ZNF540: variants seen among roughly 807,000 people sequenced by gnomAD.
ZNF540 encodes zinc finger protein 540.
A neutral mutation model predicts 11.8 loss-of-function variants in ZNF540; 3 were observed. The ratio of observed to expected loss-of-function variants is 0.25; its 90% CI spans 0.12 to 0.65. The LOEUF is 0.65. Ranked by LOEUF, ZNF540 falls within the 30% of genes least tolerant of loss-of-function variation. The pLI, the probability that ZNF540 is intolerant of heterozygous loss-of-function variation, is 0.83. For missense variants in ZNF540, 709 were observed against 793.1 expected, an observed-to-expected ratio of 0.89 and a Z score of 1.27; for synonymous variants, 247 against 259.0, an observed-to-expected ratio of 0.95 and a Z score of 0.45.
At position 37,604,529 on chromosome 19, in the gene ZNF540, G is replaced by A. The variant is rs993125081; in HGVS notation, c.232+3424G>A. ...TCACCGTGTTAGCCAGGATGGTCTC[G>A]ATCTCCTGACCTTGTGATCCGCCCG... On this transcript the variant is annotated intron_variant, in intron 4 of 4. Coordinates refer to ENST00000316433, the MANE Select transcript of ZNF540 (RefSeq NM_001172225.3). Among the ~76,000 whole-genome samples, 4 of 151,542 alleles carry A rather than the reference G, an allele frequency of 2.6e-5. 1 individual carries two copies. In the South Asian group the frequency reaches 6.3e-4, roughly 24 times the overall value.
At chr19:37,608,824 T>A (rs1447537706) in intron 4 of ZNF540, among the ~76,000 whole-genome samples, 2 of 152,134 alleles carry the variant, frequency 1.3e-5, no homozygotes, top group Non-Finnish European at 2.9e-5. Context: ...TAGGCTCTAA[T>A]AAAACCCCAG....
intron 1 of ZNF540, chr19:37,583,693 C>T (rs17245425): frequency 0.074 from 19,883 of 267,976 alleles, 999 homozygotes; most frequent in Non-Finnish European, 0.1. Flanking sequence ...ACTGCACATA[C>T]AGCTTAAAAG....
chr19:37,600,573 A>G (rs1353789433), intron 3 of ZNF540, among the ~76,000 whole-genome samples: 1 of 152,210 alleles, frequency 6.6e-6, no homozygotes, highest in Non-Finnish European at 1.5e-5. Flanking sequence ...AAGATACAAA[A>G]GAAAAAAAGA....
chr19:37,554,184 C>T (rs2042636724), intron 1 of ZNF540, among the ~76,000 whole-genome samples: 1 of 151,734 alleles, frequency 6.6e-6, no homozygotes, highest in Non-Finnish European at 1.5e-5. Context: ...TTTATTGTTC[C>T]CATCTTTGTG....
chr19:37,582,217 A>C (rs950381951), intron 1 of ZNF540, among the ~76,000 whole-genome samples: 1 of 152,146 alleles, frequency 6.6e-6, no homozygotes, highest in Non-Finnish European at 1.5e-5. Flanking sequence ...CTCCACAATG[A>C]GGTTTTTGTT....
chr19:37,592,095 T>C (rs571145900), upstream of ZNF540, among the ~76,000 whole-genome samples: 19 of 151,832 alleles, frequency 1.3e-4, no homozygotes, highest in Non-Finnish European at 2.4e-4. Flanking sequence ...CCGTCTCTAC[T>C]AAAAATACAA....
intron 1 of ZNF540, among the ~76,000 whole-genome samples, chr19:37,576,817 C>CACTTTGTTAATTCACCAGAGTA (rs759764042): frequency 1.4e-4 from 22 of 152,132 alleles, no homozygotes; most frequent in Middle Eastern, 3.2e-3. Context: ...CAAAGTTATT[C>CACTTTGTTAATTCACCAGAGTA]ACTTTGTTAA....
At chr19:37,581,541 C>G (rs1303775908) in intron 1 of ZNF540, among the ~76,000 whole-genome samples, 1 of 150,878 alleles carries the variant, frequency 6.6e-6, no homozygotes, top group Non-Finnish European at 1.5e-5. Flanking sequence ...TCATGGTTCA[C>G]TGCAACCTCG....
intron 1 of ZNF540, chr19:37,584,034 G>A: frequency 6.2e-7 from 1 of 1,614,066 alleles, no homozygotes; most frequent in Non-Finnish European, 8.5e-7. Context: ...CTCTGAGCAG[G>A]GTCCAGGCAT....
At chr19:37,587,064 A>G in intron 1 of ZNF540, 1 of 194,918 alleles carries the variant, frequency 5.1e-6, no homozygotes, top group Non-Finnish European at 1.0e-5. Context: ...AATCTTAGGA[A>G]GGGGCTTCAG....
At chr19:37,552,860 T>A (rs55754546) in intron 1 of ZNF540, among the ~76,000 whole-genome samples, 40,538 of 151,814 alleles carry the variant, frequency 0.27, 6,441 homozygotes, top group Non-Finnish European at 0.37. Flanking sequence ...GGCAGGACAA[T>A]GACTTGAACT....
At chr19:37,610,902 TTGTG>T (rs1324186436) in intron 4 of ZNF540, 5 of 152,346 alleles carry the variant, frequency 3.3e-5, no homozygotes, top group South Asian at 2.1e-4. Flanking sequence ...TTCACTTGAC[TTGTG>T]TGTAACTAAA....
rs995177078 is a variant in ZNF540 at position 37,588,670 on chromosome 19, A to G, written c.-72-9706A>G. Among the ~76,000 whole-genome samples, 5 of 152,360 alleles carry G rather than the reference A, an allele frequency of 3.3e-5. No homozygotes were observed. The East Asian group carries it at 9.6e-4, about 29-fold the overall frequency. ...ACCTCGGCATCACACAATATGCCAT[A>G]TAACAAACCTGAACATGTACCCCCT... On this transcript the variant is annotated intron_variant, in intron 1 of 4. Coordinates refer to the ZNF540 transcript ENST00000592533.
upstream of ZNF540, among the ~76,000 whole-genome samples, chr19:37,592,414 G>A (rs1443708636): frequency 1.3e-5 from 2 of 152,094 alleles, no homozygotes; most frequent in Non-Finnish European, 2.9e-5. Flanking sequence ...TATTACCATA[G>A]ATATACTGTA....
intron 4 of ZNF540, among the ~76,000 whole-genome samples, chr19:37,608,932 C>T (rs143102065): frequency 6.6e-6 from 1 of 152,098 alleles, no homozygotes; most frequent in Admixed American, 6.5e-5. Flanking sequence ...TGAGCCACTG[C>T]GCCCGGCCAG....
intron 1 of ZNF540, among the ~76,000 whole-genome samples, chr19:37,583,232 C>T (rs193110767): frequency 2.0e-5 from 3 of 152,256 alleles, no homozygotes; most frequent in East Asian, 3.9e-4. Context: ...AACCTATGAA[C>T]GTAGCAAGCT....
chr19:37,611,870 A>G lies in ZNF540; in HGVS notation c.590A>G (p.Asn197Ser). ...TGTAAAGAATGTGGGAGTACTTTTA[A>G]TAATGTCTATCAGCTTACTCTCCAT... Reference protein sequence around the residue: ...HDCKECGSTFNNVYQLTLHQK... With the variant: ...HDCKECGSTFSNVYQLTLHQK... Residue 197 changes from asparagine (N) to serine (S), a missense_variant, in exon 5 of 5, where the codon AAT becomes AGT. Asn to Ser is a conservative substitution (Grantham distance 46). Transcript: ENST00000316433. 2 of 1,613,916 alleles carry G rather than the reference A, an allele frequency of 1.2e-6. No homozygotes were observed. Among genetic ancestry groups the G allele is most frequent in the African/African-American group, 1.3e-5 (1 of 75,040 alleles).
chr19:37,566,076 C>T (rs1166757431), intron 1 of ZNF540: 3 of 1,614,074 alleles, frequency 1.9e-6, no homozygotes, highest in Admixed American at 3.3e-5. Context: ...CTTTCAGTGG[C>T]CTTTTCTTCA....
intron 1 of ZNF540, among the ~76,000 whole-genome samples, chr19:37,576,042 T>TAC (rs34837052): frequency 0.045 from 6,668 of 148,890 alleles, 395 homozygotes; most frequent in African/African-American, 0.14. Context: ...CATACATGCA[T>TAC]ACACACACAC....
Sources: gnomAD v4.1 joint callset for allele counts (sites outside exome capture counted in the v4.1 genomes callset) on GRCh38, gnomAD v4.1.1 for gene constraint, MANE v1.5 for transcripts, NCBI Gene and HGNC (gene_info 2026-07-23, HGNC 2026-07-21) for gene names.